The following ANO4 variants were observed in gnomAD, a reference collection of about 807,000 sequenced individuals.
ANO4 encodes anoctamin-4.
A neutral mutation model predicts 141.9 loss-of-function variants in ANO4; 69 were observed. The observed-to-expected ratio is 0.49, with a 90% CI of 0.40 to 0.59. The LOEUF is 0.59. Among genes scored for constraint, ANO4 ranks in the 20% least tolerant of loss-of-function variants. ANO4 has a pLI of 0.00. For missense variants in ANO4, 894 were observed against 1,162.2 expected (o/e 0.77, Z 3.36); for synonymous variants, 350 against 394.3 (o/e 0.89, Z 1.33).
intron 1 of ANO4, among the ~76,000 whole-genome samples, chr12:100,896,695 A>G (rs2040370125): frequency 6.6e-6 from 1 of 152,230 alleles, no homozygotes; most frequent in Non-Finnish European, 1.5e-5. Context: ...TTAAAAAAGT[A>G]AGGGGAGGTA....
chr12:100,766,423 G>A (rs771505388), intron 3 of ANO4, among the ~76,000 whole-genome samples: 1 of 152,040 alleles, frequency 6.6e-6, no homozygotes, highest in African/African-American at 2.4e-5. Flanking sequence ...CATCCTGTGA[G>A]TTTTGGTATG....
At position 101,088,086 on chromosome 12, in the gene ANO4, T is replaced by TAAATACATAAATGG. The variant is rs2049579838; in HGVS notation, c.1701+1262_1701+1263insAAATACATAAATGG. 3.3e-5 allele frequency among the ~76,000 whole-genome samples: 5 copies of TAAATACATAAATGG among 152,128 alleles called. No individual in the cohort carries two copies. The South Asian group carries it at 1.0e-3, about 32-fold the overall frequency. The stretch of plus-strand genomic sequence containing the variant: ...CACAGTAAAAGCCTGCGAGGCCACA[T>TAAATACATAAATGG]CTACACAGTGGCCTCACGGGCTTTC... On this transcript the variant is annotated intron_variant, in intron 17 of 27. Coordinates refer to ENST00000392977, the MANE Select transcript of ANO4 (RefSeq NM_001286615.2).
chr12:100,945,730 C>T (rs781014131), intron 5 of ANO4, among the ~76,000 whole-genome samples: 5 of 152,254 alleles, frequency 3.3e-5, no homozygotes, highest in Admixed American at 6.5e-5. Flanking sequence ...AGCACCCTCC[C>T]GCTTCAGAAT....
intron 5 of ANO4, among the ~76,000 whole-genome samples, chr12:100,966,882 CAT>C (rs1489624292): frequency 6.4e-4 from 73 of 113,292 alleles, no homozygotes; most frequent in African/African-American, 9.9e-4. Context: ...TACACACACA[CAT>C]ACACACACAC....
chr12:100,857,992 T>C (rs2038270560), intron 1 of ANO4, among the ~76,000 whole-genome samples: 2 of 152,176 alleles, frequency 1.3e-5, no homozygotes, highest in African/African-American at 4.8e-5. Context: ...CAGAGATATA[T>C]GTATGAAAAC....
chr12:101,108,962 A>G (rs901621028), intron 22 of ANO4, among the ~76,000 whole-genome samples: 1 of 152,156 alleles, frequency 6.6e-6, no homozygotes, highest in East Asian at 1.9e-4. Context: ...CTTGTTCACA[A>G]TACTTCCAAG....
chr12:100,830,661 G>C (rs1250252521), intron 1 of ANO4, among the ~76,000 whole-genome samples: 2 of 151,974 alleles, frequency 1.3e-5, no homozygotes, highest in African/African-American at 4.8e-5. Flanking sequence ...CTCTCTGTTG[G>C]TTCTTATGTC....
rs559332574 is a variant in ANO4 at position 101,069,800 on chromosome 12, T to A, written c.1313-9393T>A. Among the ~76,000 whole-genome samples the A allele has an allele frequency of 2.6e-5, 4 of 152,234 alleles. No homozygotes were observed. In the South Asian group the frequency reaches 6.2e-4, roughly 24 times the overall value. On this transcript the variant is annotated intron_variant, in intron 14 of 27. Transcript: ENST00000392977. ...TCCTTTTTTTAAATCGAGATATAAA[T>A]ATTTGAGGGGAGAAAAGTATCTACG...
intron 1 of ANO4, among the ~76,000 whole-genome samples, chr12:100,860,232 A>G (rs2038399515): frequency 6.6e-6 from 1 of 152,192 alleles, no homozygotes; most frequent in Non-Finnish European, 1.5e-5. Context: ...TCCACTGGAC[A>G]TTATAATTAG....
chr12:101,117,974 G>A (rs1051261562), intron 25 of ANO4, among the ~76,000 whole-genome samples: 2 of 151,846 alleles, frequency 1.3e-5, no homozygotes, highest in African/African-American at 4.8e-5. Context: ...CTCATCAGAT[G>A]GCTTATTTCC....
rs372905701 is a variant in ANO4, at chr12:101,054,531, G to A, written c.1312+6130G>A. ...TTTCTTTTTTTTGAGACGGAGTCTC[G>A]CTCTGTCCCCCAGGCTGGAGTGCAG... On this transcript the variant is annotated intron_variant, in intron 14 of 27. Coordinates refer to ENST00000392977, the MANE Select transcript of ANO4 (RefSeq NM_001286615.2). 1.3e-3 allele frequency among the ~76,000 whole-genome samples: 202 copies of A among 152,184 alleles called. 1 individual carries two copies. Among genetic ancestry groups the A allele is most frequent in the African/African-American group, 4.5e-3 (186 of 41,508 alleles).
At chr12:100,996,350 A>G (rs184935418) in intron 8 of ANO4, among the ~76,000 whole-genome samples, 2 of 152,306 alleles carry the variant, frequency 1.3e-5, no homozygotes, top group East Asian at 3.9e-4. Context: ...AGCGCTAACA[A>G]TGGAAATGTT....
chr12:101,038,658 A>G (rs556582), intron 10 of ANO4: 1 of 152,184 alleles, frequency 6.6e-6, no homozygotes, highest in Non-Finnish European at 1.5e-5. Context: ...CTCTTGTTTC[A>G]CGTTAAAGAT....
intron 22 of ANO4, among the ~76,000 whole-genome samples, chr12:101,102,232 G>T (rs2050221227): frequency 6.6e-6 from 1 of 151,978 alleles, no homozygotes; most frequent in African/African-American, 2.4e-5. Flanking sequence ...TTTTTATTAA[G>T]AATTTACATA....
At chr12:100,766,236 T>G (rs1333432012) in intron 3 of ANO4, among the ~76,000 whole-genome samples, 1 of 152,186 alleles carries the variant, frequency 6.6e-6, no homozygotes, top group African/African-American at 2.4e-5. Context: ...TTCTGTTGTC[T>G]GTGCTCTTAT....
chr12:100,732,124 G>T (rs1785285059), intron 1 of ANO4, among the ~76,000 whole-genome samples: 1 of 151,876 alleles, frequency 6.6e-6, no homozygotes, highest in Non-Finnish European at 1.5e-5. Context: ...GTGATTGCTG[G>T]ATGGTATGGT....
intron 8 of ANO4, among the ~76,000 whole-genome samples, chr12:100,999,837 G>C (rs147427936): frequency 4.0e-5 from 6 of 151,680 alleles, no homozygotes; most frequent in African/African-American, 1.5e-4. Flanking sequence ...TTGCAGCCAG[G>C]AGTTTGAGAC....
chr12:100,802,970 C>T (rs781396947), intron 1 of ANO4, among the ~76,000 whole-genome samples: 2 of 151,930 alleles, frequency 1.3e-5, no homozygotes, highest in Non-Finnish European at 2.9e-5. Flanking sequence ...TTTTTTTCCT[C>T]CTAGATAAAA....
At chr12:100,893,241 T>A (rs953288166) in intron 1 of ANO4, among the ~76,000 whole-genome samples, 1 of 134,432 alleles carries the variant, frequency 7.4e-6, no homozygotes, top group South Asian at 2.2e-4. Flanking sequence ...AGAAGGAGGA[T>A]TTTTTTTTTT....
Sources: gnomAD v4.1 joint callset for allele counts (sites outside exome capture counted in the v4.1 genomes callset) on GRCh38, gnomAD v4.1.1 for gene constraint, MANE v1.5 for transcripts, NCBI Gene and HGNC (gene_info 2026-07-23, HGNC 2026-07-21) for gene names.